Variants in EYA4 observed in about 807,000 individuals in gnomAD.
The protein encoded by EYA4 is EYA transcriptional coactivator and phosphatase 4, also known as protein phosphatase EYA4.
In EYA4, 31 loss-of-function variants were observed where a neutral mutation model predicts 87.9. The ratio of observed to expected loss-of-function variants is 0.35; its 90% CI spans 0.27 to 0.48. The LOEUF (loss-of-function observed/expected upper bound fraction) is 0.48. Ranked by LOEUF, EYA4 falls within the 20% of genes least tolerant of loss-of-function variation. The pLI, the probability that EYA4 is intolerant of heterozygous loss-of-function variation, is 0.99. For missense variants in EYA4, 678 were observed against 761.4 expected (o/e 0.89, Z 1.29); for synonymous variants, 263 against 270.6 (o/e 0.97, Z 0.28).
intron 4 of EYA4, among the ~76,000 whole-genome samples, chr6:133,447,116 C>T (rs1433363376): frequency 4.6e-5 from 7 of 152,066 alleles, no homozygotes; most frequent in Non-Finnish European, 8.8e-5. Flanking sequence ...TACACACTTA[C>T]TACTTTTTGG....
At chr6:133,412,193 A>G (rs1394883694) in intron 3 of EYA4, among the ~76,000 whole-genome samples, 1 of 152,236 alleles carries the variant, frequency 6.6e-6, no homozygotes. Flanking sequence ...ATATATAGAT[A>G]TATAGCCAGA....
chr6:133,357,545 T>C lies in EYA4; in HGVS notation c.34-24847T>C, dbSNP rs77699199. Among the ~76,000 whole-genome samples, 772 of 152,236 alleles carry C rather than the reference T, an allele frequency of 5.1e-3. 4 individuals are homozygous for C. The highest frequency in any genetic ancestry group is 8.2e-3 in the Non-Finnish European group (560 of 67,996). On this transcript the variant is annotated intron_variant, in intron 2 of 19. Transcript: ENST00000355286. ...ATTATTCAGAAAAATTCCCCAAATA[T>C]CCTTCCATTCTCACACTATACATTT...
intron 2 of EYA4, among the ~76,000 whole-genome samples, chr6:133,376,807 T>G (rs1785730451): frequency 6.6e-6 from 1 of 152,036 alleles, no homozygotes; most frequent in Admixed American, 6.6e-5. Flanking sequence ...TTAATTATTC[T>G]CAATACCAAA....
chr6:133,341,855 T>A (rs1782808347), intron 2 of EYA4, among the ~76,000 whole-genome samples: 1 of 152,194 alleles, frequency 6.6e-6, no homozygotes, highest in African/African-American at 2.4e-5. Flanking sequence ...ATGGATAGCA[T>A]CTTTGAAATT....
chr6:133,475,123 T>C (rs978106758), intron 11 of EYA4, among the ~76,000 whole-genome samples: 1 of 152,098 alleles, frequency 6.6e-6, no homozygotes, highest in Admixed American at 6.6e-5. Context: ...AAATTGCAAA[T>C]AGCATTCCAT....
intron 2 of EYA4, among the ~76,000 whole-genome samples, chr6:133,351,157 A>T (rs968324141): frequency 6.6e-6 from 1 of 152,180 alleles, no homozygotes; most frequent in Admixed American, 6.5e-5. Context: ...TTTAAATGGT[A>T]TTATAGTGAG....
At chr6:133,495,241 C>T (rs761463809) in intron 13 of EYA4, among the ~76,000 whole-genome samples, 22 of 151,864 alleles carry the variant, frequency 1.4e-4, no homozygotes, top group Non-Finnish European at 3.1e-4. Flanking sequence ...TGCATTCCAG[C>T]CTGGGCAACA....
chr6:133,406,012 A>G (rs918293857), intron 3 of EYA4, among the ~76,000 whole-genome samples: 8 of 90,900 alleles, frequency 8.8e-5, no homozygotes, highest in African/African-American at 2.6e-4. Context: ...AAATTCTATT[A>G]TCTATCTATC....
intron 5 of EYA4, among the ~76,000 whole-genome samples, chr6:133,454,594 A>T (rs76043914): frequency 0.032 from 4,801 of 152,160 alleles, 263 homozygotes; most frequent in East Asian, 0.23. Context: ...CTGACTGTTG[A>T]GAGGAGTAAA....
At chr6:133,267,303 A>C (rs554451393) in intron 1 of EYA4, among the ~76,000 whole-genome samples, 1 of 152,126 alleles carries the variant, frequency 6.6e-6, no homozygotes, top group Non-Finnish European at 1.5e-5. Context: ...ATACATTCTT[A>C]GTTGTGCATC....
intron 3 of EYA4, among the ~76,000 whole-genome samples, chr6:133,419,701 C>T (rs1790053756): frequency 6.6e-6 from 1 of 152,174 alleles, no homozygotes; most frequent in Admixed American, 6.5e-5. Context: ...AACTATTATA[C>T]TACCACCAAA....
chr6:133,351,830 C>T lies in EYA4; in HGVS notation c.34-30562C>T, dbSNP rs576297376. Among the ~76,000 whole-genome samples the T allele has an allele frequency of 2.0e-5, 3 of 152,176 alleles. No homozygotes were observed. The South Asian group carries it at 6.2e-4, about 32-fold the overall frequency. Reference sequence around the variant, plus strand: ...ATGTGTACAGAGGTAGAGAAAGGAACCTAATGAACCCTTATGCCCACCATC... The same window carrying T: ...ATGTGTACAGAGGTAGAGAAAGGAATCTAATGAACCCTTATGCCCACCATC... On this transcript the variant is annotated intron_variant, in intron 2 of 19. Transcript: ENST00000355286.
chr6:133,289,368 A>G (rs78693059), intron 2 of EYA4, among the ~76,000 whole-genome samples: 2,157 of 152,296 alleles, frequency 0.014, 55 homozygotes, highest in African/African-American at 0.048. Flanking sequence ...TAGTATAAAG[A>G]AGATTTGCAG....
At chr6:133,522,396 GA>G (rs1276528113) in intron 17 of EYA4, among the ~76,000 whole-genome samples, 7 of 151,736 alleles carry the variant, frequency 4.6e-5, no homozygotes, top group Non-Finnish European at 8.8e-5. Flanking sequence ...GTTTTGTTGG[GA>G]GAGGGGAATA....
At position 133,519,174 on chromosome 6, in the gene EYA4, CA is replaced by C. The variant is rs1211739494; in HGVS notation, c.1616+3746del. Among the ~76,000 whole-genome samples, 6 of 149,998 alleles carry C rather than the reference CA, an allele frequency of 4.0e-5. No individual in the cohort carries two copies. In the East Asian group the frequency reaches 5.9e-4, roughly 15 times the overall value. ...AGCAGAACTGAAGGAAATAGAGACA[CA>C]AAAAAACCTTCAAAAAATTAATGAA... On this transcript the variant is annotated intron_variant, in intron 17 of 19. Transcript: ENST00000355286.
chr6:133,475,310 C>A (rs529849709), intron 11 of EYA4, among the ~76,000 whole-genome samples: 161 of 152,160 alleles, frequency 1.1e-3, no homozygotes, highest in African/African-American at 3.6e-3. Flanking sequence ...CAGATTTGCA[C>A]ATGAAGATGA....
chr6:133,261,510 A>G (rs981200213), intron 1 of EYA4, among the ~76,000 whole-genome samples: 3 of 152,210 alleles, frequency 2.0e-5, no homozygotes, highest in African/African-American at 4.8e-5. Flanking sequence ...CTTTGATGTT[A>G]TACAGAATGA....
intron 2 of EYA4, among the ~76,000 whole-genome samples, chr6:133,379,243 A>G (rs1785965953): frequency 6.6e-6 from 1 of 152,066 alleles, no homozygotes. Flanking sequence ...ATGAATAGCC[A>G]CTGCACTCCT....
rs1797665502 is a variant in EYA4, at chr6:133,496,573, A to G, written c.1192-9533A>G. On this transcript the variant is annotated intron_variant, in intron 13 of 19. Transcript: ENST00000355286. Reference sequence around the variant, plus strand: ...TTGCTCAGAATACAGCCTGGAAGGCAGTCGACTAGCTGAAGGAGCACTGAA... The same window carrying G: ...TTGCTCAGAATACAGCCTGGAAGGCGGTCGACTAGCTGAAGGAGCACTGAA... 2.0e-5 allele frequency among the ~76,000 whole-genome samples: 3 copies of G among 152,154 alleles called. No homozygotes were observed. In the South Asian group the frequency reaches 6.2e-4, roughly 32 times the overall value.
Sources: gnomAD v4.1 joint callset for allele counts (sites outside exome capture counted in the v4.1 genomes callset) on GRCh38, gnomAD v4.1.1 for gene constraint, MANE v1.5 for transcripts, NCBI Gene and HGNC (gene_info 2026-07-23, HGNC 2026-07-21) for gene names.